The following PRR14L variants were observed in gnomAD, a reference collection of about 807,000 sequenced individuals.
The protein encoded by PRR14L is protein PRR14L.
In PRR14L, 80 loss-of-function variants were observed where a neutral mutation model predicts 155.0. That is an observed-to-expected ratio of 0.52 (90% confidence interval 0.43 to 0.62). The LOEUF is 0.62. Ranked by LOEUF, PRR14L falls within the 20% of genes least tolerant of loss-of-function variation. PRR14L has a pLI of 0.00. For missense variants in PRR14L, 2,469 were observed against 2,548.0 expected (o/e 0.97, Z 0.67); for synonymous variants, 883 against 916.0 (o/e 0.96, Z 0.65).
intron 7 of PRR14L, among the ~76,000 whole-genome samples, chr22:31,697,399 C>A (rs999782954): frequency 1.3e-5 from 2 of 151,720 alleles, no homozygotes; most frequent in Non-Finnish European, 2.9e-5. Context: ...GACTTTGCCT[C>A]GTTCACCTTG....
intron 7 of PRR14L, among the ~76,000 whole-genome samples, chr22:31,696,180 T>C (rs936216700): frequency 7.9e-5 from 12 of 151,772 alleles, no homozygotes; most frequent in African/African-American, 2.2e-4. Context: ...CTTGCTCTAT[T>C]GCCCAGGCTG....
At position 31,715,670 on chromosome 22, in the gene PRR14L, G is replaced by A. The variant is rs1468956939; in HGVS notation, c.2169C>T (p.Thr723=). ...IKDISPPGNQ[T]CGASSNCPTL... is the part of the protein sequence containing the mutation. ...TGGGACAGTTTGAAGAGGCACCACA[G>A]GTTTGGTTACCTGGTGGAGAGATGT... Residue 723 remains threonine, a synonymous_variant, in exon 4 of 9, where the codon ACC becomes ACT. Coordinates refer to ENST00000327423, the MANE Select transcript of PRR14L (RefSeq NM_173566.3). 1.2e-5 allele frequency: 19 copies of A among 1,552,206 alleles called. No individual in the cohort carries two copies. The highest frequency in any genetic ancestry group is 1.6e-5 in the Non-Finnish European group (18 of 1,147,038).
At chr22:31,732,084 C>T (rs1195307050) in intron 2 of PRR14L, among the ~76,000 whole-genome samples, 1 of 152,164 alleles carries the variant, frequency 6.6e-6, no homozygotes, top group East Asian at 1.9e-4. Context: ...GATAGGTAAT[C>T]AAATTCATTA....
intron 2 of PRR14L, among the ~76,000 whole-genome samples, chr22:31,726,065 A>C (rs984842383): frequency 3.3e-5 from 5 of 152,132 alleles, no homozygotes; most frequent in East Asian, 3.9e-4. Context: ...AATTTAAGTA[A>C]GGGTAAACAA....
At position 31,714,547 on chromosome 22, in the gene PRR14L, G is replaced by A. The variant is rs1267942769; in HGVS notation, c.3292C>T (p.Arg1098Trp). The A allele has an allele frequency of 3.9e-6, 6 of 1,551,832 alleles. No homozygotes were observed. The highest frequency in any genetic ancestry group is 2.4e-5 in the South Asian group (2 of 84,060). The change falls in exon 4 of 9, where the codon CGG becomes TGG. Residue 1098 changes from arginine to tryptophan, a missense_variant. By Grantham distance (101) the Arg-to-Trp change is moderately radical (BLOSUM62 -3). This residue lies in a region of PRR14L where 2,363 missense variants were observed against 2,371.6 expected (regional missense o/e 1.00). Coordinates refer to ENST00000327423, the MANE Select transcript of PRR14L (RefSeq NM_173566.3). ...FQEDSRSTLS[R>W]RELDAAHTGT... is the part of the protein sequence containing the mutation. ...GTATGTGCAGCATCCAGTTCTCTCC[G>A]AGACAAGGTACTCCTGGAGTCCTCT... is the stretch of plus-strand genomic sequence containing the variant.
chr22:31,717,817 G>A (rs2074668399), intron 3 of PRR14L, among the ~76,000 whole-genome samples: 1 of 152,026 alleles, frequency 6.6e-6, no homozygotes, highest in Non-Finnish European at 1.5e-5. Flanking sequence ...CTGGAGTACA[G>A]TAGTGCGATC....
chr22:31,732,812 T>A (rs79170757), intron 2 of PRR14L, among the ~76,000 whole-genome samples: 2,273 of 152,272 alleles, frequency 0.015, 58 homozygotes, highest in African/African-American at 0.053. Flanking sequence ...TATATAGAGA[T>A]CTTCCTTGTT....
Position 31,682,307 on chromosome 22 carries a change from T to C in PRR14L, c.*3220A>G, listed in dbSNP as rs955877849. ...CAGGCAAAATTGTGACAAAGTATCATGATTTTCACAGCTCTTGAGGAGCGC... is the reference window on the plus strand; with the variant it reads ...CAGGCAAAATTGTGACAAAGTATCACGATTTTCACAGCTCTTGAGGAGCGC... On this transcript the variant is annotated 3_prime_UTR_variant, in exon 9 of 9. Transcript: ENST00000327423. 1 of 152,184 alleles carries C rather than the reference T, an allele frequency of 6.6e-6. No individual in the cohort carries two copies. The highest frequency in any genetic ancestry group is 1.5e-5 in the Non-Finnish European group (1 of 68,048). 9.4% of individuals were successfully genotyped at this position (152,184 alleles called of 1,614,324 possible).
chr22:31,691,355 A>C (rs572728880), intron 7 of PRR14L, among the ~76,000 whole-genome samples: 2 of 152,034 alleles, frequency 1.3e-5, no homozygotes, highest in South Asian at 4.1e-4. Context: ...AGCCTCCCAA[A>C]GTGCTGGGAT....
At chr22:31,691,230 G>A (rs1330979524) in intron 7 of PRR14L, among the ~76,000 whole-genome samples, 1 of 152,116 alleles carries the variant, frequency 6.6e-6, no homozygotes, top group African/African-American at 2.4e-5. Flanking sequence ...GCCTCCCATA[G>A]TGCTGGGATC....
At chr22:31,733,143 C>T (rs991056883) in intron 2 of PRR14L, among the ~76,000 whole-genome samples, 7 of 151,742 alleles carry the variant, frequency 4.6e-5, no homozygotes, top group African/African-American at 1.2e-4. Flanking sequence ...GACCGCCACA[C>T]GCCCGGCTAA....
Position 31,716,519 on chromosome 22 carries a change from T to C in PRR14L, c.1320A>G (p.Glu440=), listed in dbSNP as rs1434691031. 7 of 1,546,134 alleles carry C rather than the reference T, an allele frequency of 4.5e-6. No homozygotes were observed. The East Asian group carries it at 1.7e-4, about 38-fold the overall frequency. The change falls in exon 4 of 9, where the codon GAA becomes GAG. Residue 440 remains glutamate, a synonymous_variant. Coordinates refer to ENST00000327423, the MANE Select transcript of PRR14L (RefSeq NM_173566.3). ...GEKEPVVSPK[E]NIHNNCIQDS... ...CTTGAATGCAGTTATTGTGGATATT[T>C]TCCTTTGGAGAAACAACAGGCTCTT...
chr22:31,701,806 A>G, intron 6 of PRR14L, 44 bp from the exon 7 acceptor site: 1 of 1,461,620 alleles, frequency 6.8e-7, no homozygotes. Flanking sequence ...GCTGTAAGAC[A>G]TTTTATTTAT....
At chr22:31,730,962 T>C (rs2074745812) in intron 2 of PRR14L, among the ~76,000 whole-genome samples, 1 of 152,166 alleles carries the variant, frequency 6.6e-6, no homozygotes, top group Admixed American at 6.6e-5. Flanking sequence ...TTCATCACTA[T>C]CATTTATTTT....
At chr22:31,720,239 C>T (rs1006332135) in intron 3 of PRR14L, among the ~76,000 whole-genome samples, 1 of 152,112 alleles carries the variant, frequency 6.6e-6, no homozygotes, top group East Asian at 1.9e-4. Flanking sequence ...AATAGAATAA[C>T]TAGGCTAGAC....
intron 7 of PRR14L, among the ~76,000 whole-genome samples, chr22:31,694,202 G>C (rs1325857054): frequency 2.0e-5 from 3 of 152,290 alleles, no homozygotes; most frequent in East Asian, 3.9e-4. Flanking sequence ...GCTTGAACTT[G>C]GTAGGCAGAG....
intron 7 of PRR14L, among the ~76,000 whole-genome samples, chr22:31,697,105 A>C (rs976917889): frequency 4.0e-5 from 6 of 151,254 alleles, no homozygotes; most frequent in African/African-American, 1.5e-4. Context: ...ACAAGGGTGA[A>C]ACTCCTTCTC....
In PRR14L at chr22:31,748,440, A is replaced by G. The variant is rs1006280913; in HGVS notation, c.-52+1553T>C. 1.1e-4 allele frequency among the ~76,000 whole-genome samples: 5 copies of G among 45,828 alleles called. No homozygotes were observed. The African/African-American group carries it at 1.3e-3, about 12-fold the overall frequency. 30.1% of individuals were successfully genotyped at this position (45,828 alleles called of 152,430 possible). ...GAAAAAGGATCCCTGTCTCCACGTA[A>G]GGAGTGAAACTGGAAAATGCTCCTG... On this transcript the variant is annotated intron_variant, in intron 1 of 8. Coordinates refer to ENST00000327423, the MANE Select transcript of PRR14L (RefSeq NM_173566.3).
chr22:31,722,392 T>C (rs1407639219), intron 3 of PRR14L, among the ~76,000 whole-genome samples: 2 of 144,348 alleles, frequency 1.4e-5, no homozygotes, highest in Admixed American at 1.4e-4. Context: ...ATCGTGCCAC[T>C]GCACTCCAGC....
Sources: gnomAD v4.1 joint callset for allele counts (sites outside exome capture counted in the v4.1 genomes callset) on GRCh38, gnomAD v4.1.1 for gene constraint, gnomAD v4.1.1 regional missense constraint, MANE v1.5 for transcripts, NCBI Gene and HGNC (gene_info 2026-07-23, HGNC 2026-07-21) for gene names.